SNTN: variants seen among roughly 807,000 people sequenced by gnomAD.
The protein encoded by SNTN is sentan, cilia apical structure protein.
Under a neutral mutation model 12.3 loss-of-function variants are expected in SNTN, and 13 were observed. The ratio of observed to expected loss-of-function variants is 1.05; its 90% CI spans 0.69 to 1.67. The LOEUF is 1.67. Ranked by LOEUF, SNTN falls within the 40% of genes most tolerant of loss-of-function variation. The pLI, the probability that SNTN is intolerant of heterozygous loss-of-function variation, is 0.00. For synonymous variants in SNTN, 69 were observed against 58.5 expected, an observed-to-expected ratio of 1.18 and a Z score of -0.82; for missense variants, 189 against 169.8, an observed-to-expected ratio of 1.11 and a Z score of -0.63.
In SNTN at chr3:63,665,139, A is replaced by G. The variant is rs1700790566; in HGVS notation, c.*1044A>G. 1.3e-5 allele frequency among the ~76,000 whole-genome samples: 2 copies of G among 152,198 alleles called. No homozygotes were observed. Among genetic ancestry groups the G allele is most frequent in the Admixed American group, 6.5e-5 (1 of 15,272 alleles). On this transcript the variant is annotated 3_prime_UTR_variant, in exon 4 of 4. Coordinates refer to ENST00000343837, the MANE Select transcript of SNTN (RefSeq NM_001080537.2). ...GATTGCATGCATTTGTCAAACTCAT[A>G]GAACTGCACACTGAAAAGAGTGAAT...
Position 63,659,864 on chromosome 3 carries a change from G to C in SNTN, c.285G>C (p.Glu95Asp). The C allele has an allele frequency of 6.2e-7, 1 of 1,613,874 alleles. No homozygotes were observed. Residue 95 changes from glutamate (E) to aspartate (D), a missense_variant and splice_region_variant, in exon 3 of 4, where the codon GAG (glutamate) becomes GAC (aspartate). Transcript: ENST00000343837. ...AAACCCAATTTAGGAATTTCGCAGA[G>C]GTGAGAGAATTAACTTGCATAAAGA... ...LLQTQFRNFA[E>D]GQETKPKYRE...
rs531172637 is a variant in SNTN, at chr3:63,656,126, G to A, written c.145+1330G>A. Among the ~76,000 whole-genome samples the A allele has an allele frequency of 8.5e-4, 129 of 152,288 alleles. 3 individuals carry two copies. The highest frequency in any genetic ancestry group is 3.7e-3 in the South Asian group (18 of 4,826). On this transcript the variant is annotated intron_variant, in intron 2 of 3. Transcript: ENST00000343837. ...ATATTAGGACAAGTTCTAAAATGAG[G>A]AGATTCTTTCATTCTTCTGTATTGA...
chr3:63,654,740 G>A (rs751052851), intron 1 of SNTN, 22 bp from the exon 2 acceptor site: 3 of 1,611,828 alleles, frequency 1.9e-6, no homozygotes, highest in Non-Finnish European at 2.5e-6. Context: ...GAATCATTCT[G>A]TTTCTTTCAT....
chr3:63,661,487 A>C (rs1559561549), intron 3 of SNTN, among the ~76,000 whole-genome samples: 3 of 152,222 alleles, frequency 2.0e-5, no homozygotes, highest in Non-Finnish European at 2.9e-5. Context: ...TGAGTGGGTG[A>C]TTATTTCAAA....
Position 63,665,116 on chromosome 3 carries a change from T to C in SNTN, c.*1021T>C, listed in dbSNP as rs1317852999. On this transcript the variant is annotated 3_prime_UTR_variant, in exon 4 of 4. Transcript: ENST00000343837. ...TGATTGTGAGGTGGTGGCTACAAGA[T>C]TGCATGCATTTGTCAAACTCATAGA... Among the ~76,000 whole-genome samples the C allele has an allele frequency of 2.0e-5, 3 of 152,118 alleles. No individual in the cohort carries two copies. Among genetic ancestry groups the C allele is most frequent in the Non-Finnish European group, 4.4e-5 (3 of 68,020 alleles).
intron 1 of SNTN, among the ~76,000 whole-genome samples, chr3:63,653,548 G>C (rs1369908319): frequency 6.6e-6 from 1 of 152,092 alleles, no homozygotes; most frequent in Non-Finnish European, 1.5e-5. Context: ...CCCTCAAGTA[G>C]TTAATGCCAA....
Position 63,659,807 on chromosome 3 carries a change from A to G in SNTN, c.228A>G (p.Lys76=). ...GAAATTCTTCTGACTCTGATGGTAA[A>G]CTTGAAAAAGCTATTGCCAAAGATC... ...IFRNSSDSDG[K]LEKAIAKDLL... The change falls in exon 3 of 4, where the codon AAA becomes AAG. Residue 76 remains lysine, a synonymous_variant. Coordinates refer to ENST00000343837, the MANE Select transcript of SNTN (RefSeq NM_001080537.2). 1 of 1,613,982 alleles carries G rather than the reference A, an allele frequency of 6.2e-7. No individual in the cohort carries two copies. Among genetic ancestry groups the G allele is most frequent in the Non-Finnish European group, 8.5e-7 (1 of 1,179,928 alleles).
chr3:63,656,604 T>C (rs748600279), intron 2 of SNTN, among the ~76,000 whole-genome samples: 21 of 152,240 alleles, frequency 1.4e-4, no homozygotes, highest in Non-Finnish European at 2.5e-4. Flanking sequence ...CCTGTTTATT[T>C]TTACTTCTTT....
chr3:63,661,623 T>C (rs1173639688), intron 3 of SNTN, among the ~76,000 whole-genome samples: 2 of 152,132 alleles, frequency 1.3e-5, no homozygotes, highest in Non-Finnish European at 2.9e-5. Flanking sequence ...ATTTACTTTT[T>C]CTAAATGTTC....
At chr3:63,654,659 A>C in intron 1 of SNTN, 103 bp from the exon 2 acceptor site, 1 of 1,034,366 alleles carries the variant, frequency 9.7e-7, no homozygotes, top group Non-Finnish European at 1.4e-6. Context: ...GAGAATGTTT[A>C]CCAAAATAAA....
chr3:63,664,212 T>C lies in SNTN; in HGVS notation c.*117T>C. On this transcript the variant is annotated 3_prime_UTR_variant, in exon 4 of 4. Transcript: ENST00000343837. ...ATGCATCTGAAATTGCCTAGGATGG[T>C]TCTGATTGCTGGTATTCAGATCCAA... is the stretch of plus-strand genomic sequence containing the variant. 1 of 999,732 alleles carries C rather than the reference T, an allele frequency of 1.0e-6. No homozygotes were observed. The highest frequency in any genetic ancestry group is 1.4e-6 in the Non-Finnish European group (1 of 699,282). 61.9% of individuals were successfully genotyped at this position (999,732 alleles called of 1,614,324 possible).
At chr3:63,661,742 G>A (rs1039464583) in intron 3 of SNTN, among the ~76,000 whole-genome samples, 1 of 151,880 alleles carries the variant, frequency 6.6e-6, no homozygotes. Flanking sequence ...GGAGTCTAAG[G>A]AAAGGATGGG....
intron 2 of SNTN, among the ~76,000 whole-genome samples, chr3:63,658,401 A>AATATAT (rs58847521): frequency 0.021 from 2,530 of 123,064 alleles, 81 homozygotes; most frequent in African/African-American, 0.063. Context: ...ACAAGTTGTA[A>AATATAT]ATATATATAT....
chr3:63,659,118 G>T lies in SNTN; in HGVS notation c.146-607G>T, dbSNP rs145582800. 3.9e-4 allele frequency among the ~76,000 whole-genome samples: 60 copies of T among 152,296 alleles called. 1 individual carries two copies. The East Asian group carries it at 9.7e-3, about 25-fold the overall frequency. ...CATGGTAACTTGTACATTTCCCTGTGTTCACAGCAGCACAGTGGAAAGAAA... is the reference window on the plus strand; with the variant it reads ...CATGGTAACTTGTACATTTCCCTGTTTTCACAGCAGCACAGTGGAAAGAAA... On this transcript the variant is annotated intron_variant, in intron 2 of 3. Coordinates refer to ENST00000343837, the MANE Select transcript of SNTN (RefSeq NM_001080537.2).
intron 2 of SNTN, among the ~76,000 whole-genome samples, chr3:63,658,340 C>A (rs778198993): frequency 2.1e-4 from 32 of 151,358 alleles, no homozygotes; most frequent in Non-Finnish European, 4.6e-4. Flanking sequence ...TCCTCCCAGA[C>A]CCACTCTGTA....
At position 63,661,657 on chromosome 3, in the gene SNTN, AT is replaced by A. The variant is rs111581054; in HGVS notation, c.285+1805del. ...TCTATATTAAACATGTATTTTTCTG[AT>A]TTTTTTTTTTTGGAAAGCTACTTTT... On this transcript the variant is annotated intron_variant, in intron 3 of 3. Transcript: ENST00000343837. Among the ~76,000 whole-genome samples, 226 of 146,418 alleles carry A rather than the reference AT, an allele frequency of 1.5e-3. 1 individual carries two copies. In the East Asian group the frequency reaches 0.018, roughly 12 times the overall value.
chr3:63,664,362 C>T lies in SNTN; in HGVS notation c.*267C>T, dbSNP rs1033022134. On this transcript the variant is annotated 3_prime_UTR_variant, in exon 4 of 4. Transcript: ENST00000343837. The stretch of plus-strand genomic sequence containing the variant: ...ATGGCTTTTGCTGAGTCAGTAGCGA[C>T]CTAGAGCACTCTACTTATAGTCATT... 2 of 318,138 alleles carry T rather than the reference C, an allele frequency of 6.3e-6. No homozygotes were observed. The highest frequency in any genetic ancestry group is 5.2e-5 in the South Asian group (1 of 19,264). The allele number at this position is 318,138 out of a possible 1,614,324, so 19.7% of individuals were successfully genotyped here.
chr3:63,660,897 C>T lies in SNTN; in HGVS notation c.285+1033C>T, dbSNP rs186058851. Among the ~76,000 whole-genome samples the T allele has an allele frequency of 1.8e-3, 275 of 152,176 alleles. 2 individuals are homozygous for T. Among genetic ancestry groups the T allele is most frequent in the African/African-American group, 6.2e-3 (256 of 41,538 alleles). On this transcript the variant is annotated intron_variant, in intron 3 of 3. Coordinates refer to ENST00000343837, the MANE Select transcript of SNTN (RefSeq NM_001080537.2). ...TCAGCAGTATATAATCAGTCACTGG[C>T]CTAAAGGTTACTACCTTACTCACCT...
chr3:63,656,316 G>A (rs1171285569), intron 2 of SNTN, among the ~76,000 whole-genome samples: 1 of 152,106 alleles, frequency 6.6e-6, no homozygotes, highest in East Asian at 1.9e-4. Context: ...CAACATGCCA[G>A]GGCCTGGGAA....
Sources: allele counts gnomAD v4.1 joint callset (sites outside exome capture counted in the v4.1 genomes callset), GRCh38; gene constraint gnomAD v4.1.1; transcripts MANE v1.5; gene names NCBI Gene and HGNC (gene_info 2026-07-23, HGNC 2026-07-21).